The following SLC16A10 variants were observed in gnomAD, a reference collection of about 807,000 sequenced individuals.
The protein encoded by SLC16A10 is monocarboxylate transporter 10.
SLC16A10 carries 27 observed loss-of-function variants against 40.0 expected under a neutral mutation model. The observed-to-expected ratio is 0.67, with a 90% CI of 0.50 to 0.93. SLC16A10 has a LOEUF of 0.93. SLC16A10 is among the 40% of genes least tolerant of loss of function. The pLI is 0.00. For missense variants in SLC16A10, 529 were observed against 658.2 expected, an observed-to-expected ratio of 0.80 and a Z score of 2.15; for synonymous variants, 213 against 249.8, an observed-to-expected ratio of 0.85 and a Z score of 1.39.
At chr6:111,170,202 C>G (rs12197886) in intron 1 of SLC16A10, among the ~76,000 whole-genome samples, 15,425 of 152,008 alleles carry the variant, frequency 0.1, 1,036 homozygotes, top group Middle Eastern at 0.17. Context: ...AGGTGTGAGC[C>G]ACCATGCCCG....
intron 1 of SLC16A10, among the ~76,000 whole-genome samples, chr6:111,138,858 TAAG>T (rs1233019156): frequency 1.3e-5 from 2 of 152,168 alleles, no homozygotes; most frequent in East Asian, 1.9e-4. Flanking sequence ...CTTATGTATA[TAAG>T]AAGGACTTGG....
At position 111,222,137 on chromosome 6, in the gene SLC16A10, AC is replaced by A. The variant is rs761644316; in HGVS notation, c.1451del (p.Thr484MetfsTer48). On this transcript the variant is annotated frameshift_variant, in exon 6 of 6. Transcript: ENST00000368851. LOFTEE classifies it high-confidence loss of function. ...GAAGCAAAGAGAGATCAGTAAAACCACTGGAAAAGAAAAGATGGAGAAAATG... is the reference window on the plus strand; with the variant it reads ...GAAGCAAAGAGAGATCAGTAAAACCATGGAAAAGAAAAGATGGAGAAAATG... ...SKKQREISKT[T>X]GKEKMEKMLE... The A allele has an allele frequency of 6.2e-7, 1 of 1,607,970 alleles. No individual in the cohort carries two copies. The highest frequency in any genetic ancestry group is 8.5e-7 in the Non-Finnish European group (1 of 1,178,560).
intron 3 of SLC16A10, among the ~76,000 whole-genome samples, chr6:111,183,585 T>C (rs1384620331): frequency 1.3e-5 from 2 of 152,250 alleles, no homozygotes; most frequent in Non-Finnish European, 2.9e-5. Flanking sequence ...TCTACTTTGA[T>C]GCTATAATGA....
At chr6:111,182,302 CTGGGTTT>C (rs796549906) in intron 3 of SLC16A10, among the ~76,000 whole-genome samples, 76 of 136,554 alleles carry the variant, frequency 5.6e-4, no homozygotes, top group African/African-American at 2.0e-3. Context: ...CGCCTGGCCT[CTGGGTTT>C]CTTTTTTTTT....
intron 3 of SLC16A10, among the ~76,000 whole-genome samples, chr6:111,187,470 A>C (rs1185600881): frequency 1.3e-5 from 2 of 151,782 alleles, no homozygotes; most frequent in Non-Finnish European, 2.9e-5. Flanking sequence ...AGGTAGTTGC[A>C]CTCCTCCCCC....
intron 1 of SLC16A10, among the ~76,000 whole-genome samples, chr6:111,128,575 T>C (rs1771720144): frequency 6.6e-6 from 1 of 152,190 alleles, no homozygotes; most frequent in African/African-American, 2.4e-5. Flanking sequence ...CACCACACTC[T>C]AAACATTTCT....
chr6:111,165,156 C>T (rs1171576986), intron 1 of SLC16A10, among the ~76,000 whole-genome samples: 1 of 152,210 alleles, frequency 6.6e-6, no homozygotes, highest in Admixed American at 6.5e-5. Flanking sequence ...GCTAGGAAAG[C>T]ATGCAGTTTC....
chr6:111,203,222 T>C (rs1161235672), intron 3 of SLC16A10, among the ~76,000 whole-genome samples: 1 of 152,156 alleles, frequency 6.6e-6, no homozygotes, highest in Non-Finnish European at 1.5e-5. Flanking sequence ...GCAGCAGTCA[T>C]GGACAGCCTA....
At chr6:111,214,991 C>T (rs1158464521) in intron 4 of SLC16A10, among the ~76,000 whole-genome samples, 3 of 151,794 alleles carry the variant, frequency 2.0e-5, no homozygotes. Context: ...TGGTAGTGGG[C>T]GCCTATAGTC....
At chr6:111,121,732 C>T (rs1771587578) in intron 1 of SLC16A10, among the ~76,000 whole-genome samples, 1 of 152,184 alleles carries the variant, frequency 6.6e-6, no homozygotes, top group African/African-American at 2.4e-5. Flanking sequence ...CCAGCCAGGG[C>T]CAGATTCCTG....
At position 111,203,846 on chromosome 6, in the gene SLC16A10, T is replaced by C. The variant is rs149522073; in HGVS notation, c.943-2746T>C. Among the ~76,000 whole-genome samples the C allele has an allele frequency of 1.6e-3, 250 of 152,250 alleles. 2 individuals carry two copies. Among genetic ancestry groups the C allele is most frequent in the African/African-American group, 5.7e-3 (238 of 41,560 alleles). On this transcript the variant is annotated intron_variant, in intron 3 of 5. Coordinates refer to ENST00000368851, the MANE Select transcript of SLC16A10 (RefSeq NM_018593.5). ...CTTCTTTCAAAATACCTCAAACATTTCACCTTATTATTCTTTTTAAGGATT... is the reference window on the plus strand; with the variant it reads ...CTTCTTTCAAAATACCTCAAACATTCCACCTTATTATTCTTTTTAAGGATT...
At chr6:111,192,771 T>C (rs116185799) in intron 3 of SLC16A10, among the ~76,000 whole-genome samples, 3,093 of 152,222 alleles carry the variant, frequency 0.02, 99 homozygotes, top group African/African-American at 0.07. Flanking sequence ...AGAGTGTGCA[T>C]GCAGAGGAAC....
intron 4 of SLC16A10, among the ~76,000 whole-genome samples, chr6:111,212,545 C>T (rs541521787): frequency 9.2e-5 from 14 of 152,190 alleles, no homozygotes; most frequent in Admixed American, 2.6e-4. Context: ...ATAATCCCAG[C>T]GCTTTGGGAG....
intron 1 of SLC16A10, among the ~76,000 whole-genome samples, chr6:111,129,400 G>T (rs143200971): frequency 3.3e-5 from 5 of 152,338 alleles, no homozygotes; most frequent in African/African-American, 1.2e-4. Flanking sequence ...TTTAATTGAG[G>T]TTAGCACTTC....
chr6:111,202,728 G>T (rs1471061144), intron 3 of SLC16A10, among the ~76,000 whole-genome samples: 1 of 151,504 alleles, frequency 6.6e-6, no homozygotes, highest in East Asian at 2.0e-4. Context: ...CTCTACTAAA[G>T]ATACAAAAAT....
intron 1 of SLC16A10, among the ~76,000 whole-genome samples, chr6:111,094,894 A>G (rs1442517248): frequency 2.0e-5 from 3 of 152,182 alleles, no homozygotes; most frequent in Non-Finnish European, 4.4e-5. Flanking sequence ...TCCTGCCTCA[A>G]CTTCCCAAAG....
intron 3 of SLC16A10, among the ~76,000 whole-genome samples, chr6:111,187,572 G>A (rs1266340287): frequency 6.6e-6 from 1 of 152,196 alleles, no homozygotes; most frequent in Admixed American, 6.5e-5. Flanking sequence ...GCAGAACTGG[G>A]TGTAATACCC....
chr6:111,172,887 C>A, intron 2 of SLC16A10, 48 bp downstream of exon 2: 1 of 1,581,492 alleles, frequency 6.3e-7, no homozygotes, highest in South Asian at 1.2e-5. Context: ...TGTTAGATAC[C>A]TTAAAGTTTT....
At chr6:111,163,550 T>C (rs892064479) in intron 1 of SLC16A10, among the ~76,000 whole-genome samples, 14 of 152,222 alleles carry the variant, frequency 9.2e-5, no homozygotes, top group Non-Finnish European at 1.6e-4. Context: ...CATTAAAATA[T>C]AACCTGAAGA....
Sources: allele counts gnomAD v4.1 joint callset (sites outside exome capture counted in the v4.1 genomes callset), GRCh38; gene constraint gnomAD v4.1.1; transcripts MANE v1.5; gene names NCBI Gene and HGNC (gene_info 2026-07-23, HGNC 2026-07-21).